TXLNB: variants seen among roughly 807,000 people sequenced by gnomAD.
The protein encoded by TXLNB is taxilin beta, also known as beta-taxilin.
TXLNB carries 37 observed loss-of-function variants against 57.4 expected under a neutral mutation model. That is an observed-to-expected ratio of 0.64 (90% CI 0.50 to 0.85). The LOEUF (loss-of-function observed/expected upper bound fraction) is 0.85, where lower values mean the gene tolerates loss of function less well. Ranked by LOEUF, TXLNB falls within the 40% of genes least tolerant of loss-of-function variation. TXLNB has a pLI of 0.00. For missense variants in TXLNB, 848 were observed against 825.6 expected (o/e 1.03, Z -0.33); for synonymous variants, 302 against 309.6 (o/e 0.98, Z 0.26).
chr6:139,216,059 A>G, the TXLNB span, among the ~76,000 whole-genome samples: 1 of 152,296 alleles, frequency 6.6e-6, no homozygotes, highest in African/African-American at 2.4e-5. Flanking sequence ...TGTGGAAGTC[A>G]GTGTGGCGAT....
At chr6:139,161,783 G>A in the TXLNB span, among the ~76,000 whole-genome samples, 4 of 152,300 alleles carry the variant, frequency 2.6e-5, no homozygotes, top group East Asian at 7.7e-4. Context: ...TTTGGTTATT[G>A]TGGTTACATT....
the TXLNB span, among the ~76,000 whole-genome samples, chr6:139,203,801 C>T: frequency 6.6e-6 from 1 of 152,182 alleles, no homozygotes; most frequent in South Asian, 2.1e-4. Context: ...CCTAAAATTT[C>T]TGCAAAGACA....
chr6:139,198,930 T>G, the TXLNB span, among the ~76,000 whole-genome samples: 1 of 152,084 alleles, frequency 6.6e-6, no homozygotes, highest in Non-Finnish European at 1.5e-5. Context: ...AAACTTTGTT[T>G]CAGCTAAACT....
the TXLNB span, among the ~76,000 whole-genome samples, chr6:139,175,721 C>T: frequency 2.0e-4 from 31 of 152,262 alleles, no homozygotes; most frequent in African/African-American, 7.0e-4. Context: ...GCCATGACTG[C>T]ACCGTGTGAC....
At chr6:139,183,913 C>CAT in the TXLNB span, among the ~76,000 whole-genome samples, 2,670 of 149,274 alleles carry the variant, frequency 0.018, 88 homozygotes, top group African/African-American at 0.066. Context: ...GCCTGTCAGA[C>CAT]ATTATATGTT....
At chr6:139,215,367 C>A in the TXLNB span, among the ~76,000 whole-genome samples, 2 of 152,120 alleles carry the variant, frequency 1.3e-5, no homozygotes, top group Non-Finnish European at 2.9e-5. Flanking sequence ...CAAAAACAAG[C>A]AATGGGGAAA....
downstream of TXLNB, among the ~76,000 whole-genome samples, chr6:139,236,169 GGA>G (rs933983787): frequency 2.0e-5 from 3 of 152,168 alleles, no homozygotes; most frequent in African/African-American, 7.2e-5. Context: ...TAAGAACCCA[GGA>G]GAGAGAAAGC....
chr6:139,245,564 T>A (rs975916340), intron 8 of TXLNB: 1 of 152,224 alleles, frequency 6.6e-6, no homozygotes, highest in Non-Finnish European at 1.5e-5. Context: ...GGTGCCAAGC[T>A]GCCTGAAGCT....
chr6:139,187,500 CTGAGT>C, the TXLNB span, among the ~76,000 whole-genome samples: 4 of 150,770 alleles, frequency 2.7e-5, no homozygotes, highest in East Asian at 1.9e-4. Flanking sequence ...AAGCATCCTA[CTGAGT>C]TATCAAAACA....
chr6:139,188,027 G>A, the TXLNB span, among the ~76,000 whole-genome samples: 3 of 152,122 alleles, frequency 2.0e-5, no homozygotes, highest in East Asian at 1.9e-4. Flanking sequence ...TTATTTTACC[G>A]ATGAGGAAAA....
the TXLNB span, among the ~76,000 whole-genome samples, chr6:139,226,131 T>C: frequency 6.6e-6 from 1 of 151,586 alleles, no homozygotes; most frequent in South Asian, 2.1e-4. Flanking sequence ...AAACCCTGTC[T>C]CTACTAAGAA....
the TXLNB span, among the ~76,000 whole-genome samples, chr6:139,208,279 G>A: frequency 6.6e-6 from 1 of 152,040 alleles, no homozygotes; most frequent in African/African-American, 2.4e-5. Flanking sequence ...CCAATAGCAA[G>A]CAATGAGATT....
chr6:139,165,251 T>TA, the TXLNB span, among the ~76,000 whole-genome samples: 1 of 152,162 alleles, frequency 6.6e-6, no homozygotes, highest in African/African-American at 2.4e-5. Flanking sequence ...TTTCTCATTT[T>TA]AAAAAAACAG....
At chr6:139,266,670 G>A (rs1317149908) in intron 4 of TXLNB, among the ~76,000 whole-genome samples, 1 of 152,088 alleles carries the variant, frequency 6.6e-6, no homozygotes, top group African/African-American at 2.4e-5. Flanking sequence ...AGAGAAAGTG[G>A]AGCAGAAAAA....
At chr6:139,272,288 C>A (rs1040995011) in intron 3 of TXLNB, among the ~76,000 whole-genome samples, 6 of 152,032 alleles carry the variant, frequency 3.9e-5, no homozygotes, top group African/African-American at 1.5e-4. Flanking sequence ...GCCTGGGCAA[C>A]AGAGCAAGAC....
intron 4 of TXLNB, among the ~76,000 whole-genome samples, chr6:139,266,091 C>T (rs897393146): frequency 6.6e-6 from 1 of 152,092 alleles, no homozygotes; most frequent in African/African-American, 2.4e-5. Flanking sequence ...TTGAATCTAA[C>T]CAAATTAATT....
At chr6:139,290,211 C>T (rs4452658) in intron 1 of TXLNB, among the ~76,000 whole-genome samples, 57,332 of 151,876 alleles carry the variant, frequency 0.38, 13,063 homozygotes, top group African/African-American at 0.65. Context: ...GAAACCCTGT[C>T]TCTACTAAAA....
upstream of TXLNB, among the ~76,000 whole-genome samples, chr6:139,294,081 G>GAGC (rs1189156813): frequency 6.6e-6 from 1 of 152,124 alleles, no homozygotes; most frequent in Non-Finnish European, 1.5e-5. Flanking sequence ...GTACTAAAAT[G>GAGC]AAAATAGGAT....
the TXLNB span, among the ~76,000 whole-genome samples, chr6:139,206,975 T>A: frequency 1.3e-5 from 2 of 152,048 alleles, no homozygotes; most frequent in Non-Finnish European, 2.9e-5. Context: ...GCTCCCAAAT[T>A]TATAAAATAA....
Sources: allele counts gnomAD v4.1 joint callset (sites outside exome capture counted in the v4.1 genomes callset), GRCh38; gene constraint gnomAD v4.1.1; transcripts MANE v1.5; gene names NCBI Gene and HGNC (gene_info 2026-07-23, HGNC 2026-07-21).